PCCB: variants seen among roughly 807,000 people sequenced by gnomAD.
PCCB encodes propionyl-CoA carboxylase subunit beta.
A neutral mutation model predicts 60.7 loss-of-function variants in PCCB; 43 were observed. That is an observed-to-expected ratio of 0.71 (90% CI 0.55 to 0.91). The LOEUF (loss-of-function observed/expected upper bound fraction) is 0.91. PCCB is among the 40% of genes least tolerant of loss of function. The probability of loss-of-function intolerance (pLI) is 0.00; values close to 1 mark genes in which losing one functional copy is unlikely to be tolerated. For synonymous variants in PCCB, 276 were observed against 255.9 expected (o/e 1.08, Z -0.75); for missense variants, 766 against 702.8 (o/e 1.09, Z -1.02).
chr3:136,252,662 ATTT>A (rs962722858), intron 1 of PCCB, among the ~76,000 whole-genome samples: 3 of 120,898 alleles, frequency 2.5e-5, no homozygotes, highest in African/African-American at 6.5e-5. Flanking sequence ...TACCCAGCTA[ATTT>A]TTTTTTTTTT....
intron 5 of PCCB, among the ~76,000 whole-genome samples, chr3:136,281,906 A>G (rs1008681139): frequency 2.0e-5 from 3 of 152,094 alleles, no homozygotes; most frequent in African/African-American, 7.2e-5. Flanking sequence ...CAGCAATCTG[A>G]CAGTAATTTC....
At chr3:136,320,988 A>G (rs1935087734) in intron 10 of PCCB, among the ~76,000 whole-genome samples, 1 of 152,162 alleles carries the variant, frequency 6.6e-6, no homozygotes, top group Non-Finnish European at 1.5e-5. Context: ...ATATGGAGGA[A>G]GTTTCCATCT....
At chr3:136,268,087 G>GATATAGATATATATAT (rs1313121628) in intron 5 of PCCB, among the ~76,000 whole-genome samples, 39 of 93,776 alleles carry the variant, frequency 4.2e-4, no homozygotes, top group African/African-American at 1.7e-3. Flanking sequence ...TGTGTGTGTA[G>GATATAGATATATATAT]ATATATATAT....
At chr3:136,271,435 G>C (rs572255973) in intron 5 of PCCB, among the ~76,000 whole-genome samples, 2 of 152,218 alleles carry the variant, frequency 1.3e-5, no homozygotes, top group African/African-American at 4.8e-5. Context: ...TGAATCTGTA[G>C]ATTGCTTTGG....
At chr3:136,263,562 A>T (rs900591815) in intron 5 of PCCB, among the ~76,000 whole-genome samples, 1 of 151,844 alleles carries the variant, frequency 6.6e-6, no homozygotes, top group Non-Finnish European at 1.5e-5. Flanking sequence ...GTGAGTCACC[A>T]CGCCTGGCTT....
In PCCB at chr3:136,262,007, G is replaced by C; in HGVS notation, c.485G>C (p.Gly162Ala). 1.3e-6 allele frequency: 2 copies of C among 1,562,024 alleles called. No individual in the cohort carries two copies. Among genetic ancestry groups the C allele is most frequent in the Non-Finnish European group, 1.7e-6 (2 of 1,151,910 alleles). Reference protein sequence around the residue: ...GAPVIGLNDSGGARIQEGVES... With the variant: ...GAPVIGLNDSAGARIQEGVES... ...CCAGTGATTGGGCTGAATGACTCTG[G>C]GGGAGCACGGATCCAAGAAGGAGTG... Residue 162 changes from glycine (G) to alanine (A), a missense_variant, in exon 5 of 15, where the codon GGG (glycine) becomes GCG (alanine). Physicochemically the swap from Gly to Ala is moderately conservative, Grantham distance 60 (BLOSUM62 0). Transcript: ENST00000251654.
intron 5 of PCCB, among the ~76,000 whole-genome samples, chr3:136,283,020 T>C (rs937381815): frequency 1.3e-5 from 2 of 152,240 alleles, no homozygotes; most frequent in Non-Finnish European, 2.9e-5. Flanking sequence ...GCTGGAAGTC[T>C]CCCCTACTAC....
chr3:136,283,992 A>T (rs776629739), intron 6 of PCCB, 45 bp downstream of exon 6: 1 of 1,189,990 alleles, frequency 8.4e-7, no homozygotes. Context: ...AGATTTGTGC[A>T]GTTCCTTACC....
Position 136,268,109 on chromosome 3 carries a change from T to G in PCCB, c.543+6044T>G, listed in dbSNP as rs1352925879. On this transcript the variant is annotated intron_variant, in intron 5 of 14. Coordinates refer to ENST00000251654, the MANE Select transcript of PCCB (RefSeq NM_000532.5). ...GTAGATATATATATATATATATATA[T>G]ATATATATATATGTATATATATATA... 2.5e-3 allele frequency among the ~76,000 whole-genome samples: 332 copies of G among 134,188 alleles called. 3 individuals carry two copies. Among genetic ancestry groups the G allele is most frequent in the African/African-American group, 4.1e-3 (137 of 33,192 alleles). 88.0% of individuals were successfully genotyped at this position (134,188 alleles called of 152,430 possible). A position where few individuals can be genotyped will look rare whatever the true frequency, so the allele number is the denominator to read the frequency against.
At chr3:136,258,769 C>G (rs978237841) in intron 3 of PCCB, among the ~76,000 whole-genome samples, 1 of 152,056 alleles carries the variant, frequency 6.6e-6, no homozygotes. Context: ...TCTGTCCTCT[C>G]AAGGTGAAGG....
intron 5 of PCCB, among the ~76,000 whole-genome samples, chr3:136,279,912 C>T (rs983061536): frequency 1.4e-4 from 21 of 152,242 alleles, no homozygotes; most frequent in East Asian, 3.9e-4. Flanking sequence ...GTGATCTGCC[C>T]GTCTCGGCCT....
At chr3:136,303,334 A>T (rs1478325398) in intron 9 of PCCB, among the ~76,000 whole-genome samples, 1 of 121,636 alleles carries the variant, frequency 8.2e-6, no homozygotes. Context: ...TTTTGTTCTT[A>T]AAGTTAGGAA....
chr3:136,311,248 G>A (rs1158766514), intron 9 of PCCB, among the ~76,000 whole-genome samples: 2 of 152,122 alleles, frequency 1.3e-5, no homozygotes, highest in African/African-American at 2.4e-5. Context: ...CTTCATATAC[G>A]CAAGCAGTAA....
At chr3:136,317,109 A>C (rs776398117) in intron 10 of PCCB, 45 bp downstream of exon 10, 2 of 1,609,784 alleles carry the variant, frequency 1.2e-6, no homozygotes, top group East Asian at 4.5e-5. Context: ...GTTGGAGGCC[A>C]GGGAAGCCTG....
chr3:136,299,842 ATG>A (rs1438966714), intron 8 of PCCB, among the ~76,000 whole-genome samples: 1 of 151,674 alleles, frequency 6.6e-6, no homozygotes, highest in Non-Finnish European at 1.5e-5. Flanking sequence ...ATGCATGTGT[ATG>A]TATATGCATG....
intron 1 of PCCB, chr3:136,252,485 G>C: frequency 2.9e-6 from 1 of 347,726 alleles, no homozygotes; most frequent in Non-Finnish European, 5.7e-6. Context: ...GACCTCAGGT[G>C]ATCCACCCGC....
intron 6 of PCCB, among the ~76,000 whole-genome samples, chr3:136,291,196 C>T (rs887317995): frequency 2.0e-5 from 3 of 151,992 alleles, no homozygotes; most frequent in Admixed American, 6.6e-5. Context: ...TAGTGTTGAA[C>T]GCCTGGGCTC....
chr3:136,258,549 G>C (rs1941735701), intron 3 of PCCB, among the ~76,000 whole-genome samples: 1 of 152,084 alleles, frequency 6.6e-6, no homozygotes, highest in African/African-American at 2.4e-5. Context: ...TTTCTGGGGA[G>C]CTTCTGTTCT....
intron 6 of PCCB, among the ~76,000 whole-genome samples, chr3:136,290,109 C>G (rs1017416359): frequency 1.3e-5 from 2 of 152,174 alleles, no homozygotes; most frequent in Non-Finnish European, 2.9e-5. Flanking sequence ...TTTATTCCTT[C>G]TTGAATGCTC....
Sources: allele counts gnomAD v4.1 joint callset (sites outside exome capture counted in the v4.1 genomes callset), GRCh38; gene constraint gnomAD v4.1.1; transcripts MANE v1.5; gene names NCBI Gene and HGNC (gene_info 2026-07-23, HGNC 2026-07-21).